The following NEDD4L variants were observed in gnomAD, a reference collection of about 807,000 sequenced individuals.
NEDD4L encodes E3 ubiquitin-protein ligase NEDD4-like.
Under a neutral mutation model 148.9 loss-of-function variants are expected in NEDD4L, and 54 were observed. The ratio of observed to expected loss-of-function variants is 0.36; its 90% confidence interval spans 0.29 to 0.45. The LOEUF (loss-of-function observed/expected upper bound fraction) is 0.45, where lower values mean the gene tolerates loss of function less well. Among genes scored for constraint, NEDD4L ranks in the 20% least tolerant of loss-of-function variants. NEDD4L has a pLI of 1.00. For synonymous variants in NEDD4L, 433 were observed against 440.7 expected (o/e 0.98, Z 0.22); for missense variants, 856 against 1,233.8 (o/e 0.69, Z 4.59).
chr18:58,357,750 A>G (rs1041508508), intron 19 of NEDD4L, among the ~76,000 whole-genome samples: 1 of 152,140 alleles, frequency 6.6e-6, no homozygotes, highest in Admixed American at 6.5e-5. Context: ...CAGTGTTCTC[A>G]TGGTCCCCTC....
chr18:58,375,606 G>GC (rs1965625473), intron 24 of NEDD4L, among the ~76,000 whole-genome samples: 1 of 151,962 alleles, frequency 6.6e-6, no homozygotes, highest in Non-Finnish European at 1.5e-5. Context: ...GCTCGACACT[G>GC]CCCACTCTGT....
Position 58,342,416 on chromosome 18 carries a change from G to A in NEDD4L, c.1378-490G>A, listed in dbSNP as rs1444422566. Among the ~76,000 whole-genome samples the A allele has an allele frequency of 3.9e-5, 6 of 152,162 alleles. 1 individual carries two copies. The highest frequency in any genetic ancestry group is 1.9e-4 in the East Asian group (1 of 5,198). On this transcript the variant is annotated intron_variant, in intron 15 of 30. Coordinates refer to ENST00000400345, the MANE Select transcript of NEDD4L (RefSeq NM_001144967.3). ...TAGAGACAGCTGTGGGCTTCTCCAC[G>A]CCCTGGGTCCAGATGCTGATAAGTG...
chr18:58,243,304 G>A (rs190046024), intron 2 of NEDD4L, among the ~76,000 whole-genome samples: 85 of 152,318 alleles, frequency 5.6e-4, no homozygotes, highest in African/African-American at 1.9e-3. Context: ...CACATTATCT[G>A]GAGGTAACAT....
intron 21 of NEDD4L, among the ~76,000 whole-genome samples, chr18:58,367,383 C>G (rs1395612172): frequency 6.6e-6 from 1 of 152,196 alleles, no homozygotes; most frequent in African/African-American, 2.4e-5. Context: ...TCCTTCATCA[C>G]AGAGACGACC....
intron 1 of NEDD4L, among the ~76,000 whole-genome samples, chr18:58,139,033 A>G (rs1003695255): frequency 1.3e-5 from 2 of 152,234 alleles, no homozygotes; most frequent in African/African-American, 2.4e-5. Flanking sequence ...CCATGCCTGG[A>G]CATTCTGGGT....
At chr18:58,328,924 A>C in intron 9 of NEDD4L, 71 bp from the exon 10 acceptor site, 1 of 1,576,844 alleles carries the variant, frequency 6.3e-7, no homozygotes, top group Non-Finnish European at 8.7e-7. Context: ...CTCCGTGAGC[A>C]TTGAACTGTC....
intron 5 of NEDD4L, among the ~76,000 whole-genome samples, chr18:58,282,895 AGG>A (rs1016398157): frequency 2.6e-5 from 4 of 152,192 alleles, no homozygotes; most frequent in Non-Finnish European, 5.9e-5. Context: ...TAACCCACAA[AGG>A]GGGATTTTCT....
At chr18:58,260,867 C>A (rs1176572503) in intron 5 of NEDD4L, among the ~76,000 whole-genome samples, 1 of 152,196 alleles carries the variant, frequency 6.6e-6, no homozygotes, top group Non-Finnish European at 1.5e-5. Context: ...AGTTCACTAG[C>A]TTTTGGTCCT....
At chr18:58,127,565 T>C (rs1248156828) in intron 1 of NEDD4L, among the ~76,000 whole-genome samples, 1 of 146,788 alleles carries the variant, frequency 6.8e-6, no homozygotes, top group Non-Finnish European at 1.5e-5. Flanking sequence ...ATCGGCCGGG[T>C]GCGGTGGCTC....
At chr18:58,361,226 C>T (rs1346371201) in intron 19 of NEDD4L, among the ~76,000 whole-genome samples, 1 of 152,216 alleles carries the variant, frequency 6.6e-6, no homozygotes, top group African/African-American at 2.4e-5. Context: ...TAGAGTTTCT[C>T]TTCCCAAGTT....
In NEDD4L at chr18:58,399,096, C is replaced by T. The variant is rs185783911; in HGVS notation, c.*2827C>T. ...ACACTGCCTGTTGCGGTTCTCTTAACATCAGTTATCACAGCTGCCTGTGGG... is the reference window on the plus strand; with the variant it reads ...ACACTGCCTGTTGCGGTTCTCTTAATATCAGTTATCACAGCTGCCTGTGGG... On this transcript the variant is annotated 3_prime_UTR_variant, in exon 31 of 31. Coordinates refer to ENST00000400345, the MANE Select transcript of NEDD4L (RefSeq NM_001144967.3). 88 of 152,370 alleles carry T rather than the reference C, an allele frequency of 5.8e-4. No homozygotes were observed. Among genetic ancestry groups the T allele is most frequent in the African/African-American group, 2.1e-3 (87 of 41,580 alleles). 9.4% of individuals were successfully genotyped at this position (152,370 alleles called of 1,614,324 possible).
chr18:58,336,620 T>C (rs1287064685), intron 13 of NEDD4L, among the ~76,000 whole-genome samples: 2 of 152,160 alleles, frequency 1.3e-5, no homozygotes, highest in Non-Finnish European at 2.9e-5. Context: ...CTGTGTTGTA[T>C]TTTGCTATAA....
chr18:58,244,658 TTTTGA>T (rs1369507968), intron 2 of NEDD4L, among the ~76,000 whole-genome samples: 1 of 151,836 alleles, frequency 6.6e-6, no homozygotes, highest in African/African-American at 2.4e-5. Context: ...TAGGGTTTTG[TTTTGA>T]TTTGTTTTTT....
At chr18:58,233,918 C>T (rs193103398) in intron 2 of NEDD4L, among the ~76,000 whole-genome samples, 4 of 149,682 alleles carry the variant, frequency 2.7e-5, no homozygotes, top group East Asian at 2.0e-4. Flanking sequence ...ACAATCTTCT[C>T]GTTGTATCTT....
chr18:58,150,794 C>A (rs763866392), intron 1 of NEDD4L, among the ~76,000 whole-genome samples: 6 of 152,068 alleles, frequency 3.9e-5, no homozygotes, highest in Non-Finnish European at 7.3e-5. Flanking sequence ...GCTGTCTTAG[C>A]CATGGTGGCT....
chr18:58,244,795 A>T (rs2047058443), intron 2 of NEDD4L, among the ~76,000 whole-genome samples: 1 of 152,114 alleles, frequency 6.6e-6, no homozygotes, highest in Non-Finnish European at 1.5e-5. Flanking sequence ...TCTCAGGTTC[A>T]AGCGATTCTT....
intron 2 of NEDD4L, among the ~76,000 whole-genome samples, chr18:58,199,035 G>A (rs551110101): frequency 3.9e-5 from 6 of 152,242 alleles, no homozygotes; most frequent in East Asian, 1.9e-4. Context: ...CAGGTGATCC[G>A]CCTGCCTCGG....
intron 18 of NEDD4L, among the ~76,000 whole-genome samples, chr18:58,351,887 G>A (rs1195528706): frequency 6.6e-6 from 1 of 152,224 alleles, no homozygotes; most frequent in Non-Finnish European, 1.5e-5. Context: ...AAAGCACGTT[G>A]ATGAGCCACC....
At chr18:58,153,891 G>A (rs2035119762) in intron 1 of NEDD4L, among the ~76,000 whole-genome samples, 3 of 152,096 alleles carry the variant, frequency 2.0e-5, no homozygotes, top group Admixed American at 2.0e-4. Flanking sequence ...CTTGTGATCT[G>A]CCCTACTTGG....
Sources: gnomAD v4.1 joint callset for allele counts (sites outside exome capture counted in the v4.1 genomes callset) on GRCh38, gnomAD v4.1.1 for gene constraint, MANE v1.5 for transcripts, NCBI Gene and HGNC (gene_info 2026-07-23, HGNC 2026-07-21) for gene names.